Variants in SCARA5 observed in about 807,000 individuals in gnomAD.
SCARA5 encodes the protein scavenger receptor class A member 5.
In SCARA5, 45 loss-of-function variants were observed where a neutral mutation model predicts 46.3. The observed-to-expected ratio is 0.97, with a 90% CI of 0.76 to 1.24. The LOEUF (loss-of-function observed/expected upper bound fraction) is 1.24, where lower values mean the gene tolerates loss of function less well. SCARA5 is among the 50% of genes most tolerant of loss of function. The pLI is 0.00. For synonymous variants in SCARA5, 333 were observed against 306.5 expected (o/e 1.09, Z -0.90); for missense variants, 680 against 689.0 (o/e 0.99, Z 0.15).
At chr8:27,928,857 G>A (rs969248349) in intron 3 of SCARA5, among the ~76,000 whole-genome samples, 5 of 151,986 alleles carry the variant, frequency 3.3e-5, no homozygotes, top group African/African-American at 1.2e-4. Context: ...GTAGGGATGG[G>A]GTTTCGCCAC....
At chr8:27,914,169 T>C (rs1399837827) in intron 4 of SCARA5, among the ~76,000 whole-genome samples, 1 of 152,238 alleles carries the variant, frequency 6.6e-6, no homozygotes, top group African/African-American at 2.4e-5. Flanking sequence ...TCTTGCCTGC[T>C]GCCATGTAAG....
At chr8:27,969,242 G>A (rs565346539) in intron 2 of SCARA5, among the ~76,000 whole-genome samples, 53 of 152,240 alleles carry the variant, frequency 3.5e-4, no homozygotes, top group African/African-American at 1.2e-3. Context: ...CTTAGCAGAA[G>A]ATTACAAACA....
At chr8:27,933,391 G>A (rs1180389466) in intron 3 of SCARA5, among the ~76,000 whole-genome samples, 6 of 152,060 alleles carry the variant, frequency 3.9e-5, no homozygotes, top group South Asian at 2.1e-4. Flanking sequence ...CTGTGGTGGC[G>A]CACACCTGTG....
intron 7 of SCARA5, among the ~76,000 whole-genome samples, chr8:27,894,496 C>A (rs1292504566): frequency 6.6e-6 from 1 of 152,210 alleles, no homozygotes; most frequent in Non-Finnish European, 1.5e-5. Flanking sequence ...ATCTGGGAAG[C>A]ACCTGGGAAG....
At chr8:27,989,091 A>ATTTTCTTT (rs1808747044) in intron 1 of SCARA5, among the ~76,000 whole-genome samples, 1 of 83,074 alleles carries the variant, frequency 1.2e-5, no homozygotes, top group Admixed American at 1.1e-4. Context: ...AGAATTCCGT[A>ATTTTCTTT]TTTTCTTTCT....
intron 2 of SCARA5, among the ~76,000 whole-genome samples, chr8:27,980,318 C>T (rs1808593884): frequency 1.3e-5 from 2 of 152,164 alleles, no homozygotes. Context: ...CTGCCCTGGC[C>T]ACTCATCACC....
intron 4 of SCARA5, among the ~76,000 whole-genome samples, chr8:27,910,477 G>A (rs1807355065): frequency 6.6e-6 from 1 of 152,222 alleles, no homozygotes; most frequent in African/African-American, 2.4e-5. Flanking sequence ...GGGGCTCTTA[G>A]AGACCCGGCC....
At chr8:27,967,324 A>T (rs1429324028) in intron 2 of SCARA5, among the ~76,000 whole-genome samples, 1 of 152,184 alleles carries the variant, frequency 6.6e-6, no homozygotes, top group Non-Finnish European at 1.5e-5. Flanking sequence ...AAGAATGTCA[A>T]ATGTCAGTTA....
chr8:27,939,392 G>T (rs1807906956), intron 3 of SCARA5, among the ~76,000 whole-genome samples: 1 of 152,184 alleles, frequency 6.6e-6, no homozygotes. Flanking sequence ...TGTCAGTCCA[G>T]CATCATTGTT....
At chr8:27,971,925 T>G (rs1808453206) in intron 2 of SCARA5, among the ~76,000 whole-genome samples, 1 of 152,076 alleles carries the variant, frequency 6.6e-6, no homozygotes, top group Admixed American at 6.5e-5. Flanking sequence ...TATTACTTTC[T>G]TAACATCACT....
intron 4 of SCARA5, among the ~76,000 whole-genome samples, chr8:27,919,555 T>C (rs1157072378): frequency 6.6e-6 from 1 of 152,022 alleles, no homozygotes; most frequent in South Asian, 2.1e-4. Context: ...CCATAACCCT[T>C]AACACTCCCC....
intron 3 of SCARA5, among the ~76,000 whole-genome samples, chr8:27,924,976 C>A (rs1585493325): frequency 1.3e-5 from 2 of 152,038 alleles, no homozygotes; most frequent in East Asian, 1.9e-4. Context: ...CACTGCTCAA[C>A]AAAATAAAAG....
chr8:27,971,653 A>T (rs1378957155), intron 2 of SCARA5, among the ~76,000 whole-genome samples: 2 of 152,212 alleles, frequency 1.3e-5, no homozygotes, highest in South Asian at 4.1e-4. Flanking sequence ...TGGCCTCCAG[A>T]AGTGAGGGTG....
chr8:27,947,636 C>T (rs1387515430), intron 3 of SCARA5, among the ~76,000 whole-genome samples: 2 of 151,570 alleles, frequency 1.3e-5, no homozygotes, highest in South Asian at 2.1e-4. Flanking sequence ...TAAAGGCTCA[C>T]GCCTGTAATC....
In SCARA5 at chr8:27,922,265, G is replaced by A; in HGVS notation, c.242-20C>T. The A allele has an allele frequency of 1.3e-6, 2 of 1,499,236 alleles. No individual in the cohort carries two copies. Among genetic ancestry groups the A allele is most frequent in the Non-Finnish European group, 1.8e-6 (2 of 1,123,232 alleles). The allele number at this position is 1,499,236 out of a possible 1,614,324, so 92.9% of individuals were successfully genotyped here. A position where few individuals can be genotyped will look rare whatever the true frequency, so the allele number is the denominator to read the frequency against. ...TGGACACTGCGGAGGAGGAAGAGGG[G>A]AGACTTGAGCACCGCTGGGGAGGAA... On this transcript the variant is annotated intron_variant, in intron 3 of 8. Coordinates refer to ENST00000354914, the MANE Select transcript of SCARA5 (RefSeq NM_173833.6).
chr8:27,918,464 G>A (rs1000990003), intron 4 of SCARA5, among the ~76,000 whole-genome samples: 12 of 151,496 alleles, frequency 7.9e-5, no homozygotes, highest in Admixed American at 3.3e-4. Flanking sequence ...GAAAGGTTGG[G>A]GGGGGTTCAG....
At chr8:27,909,641 C>A in intron 5 of SCARA5, 22 bp downstream of exon 5, 1 of 1,496,530 alleles carries the variant, frequency 6.7e-7, no homozygotes, top group Non-Finnish European at 9.1e-7. Flanking sequence ...TCCCAGGTAC[C>A]ACCCAGGGGC....
chr8:27,894,815 G>A (rs1023951814), intron 7 of SCARA5, among the ~76,000 whole-genome samples: 7 of 152,204 alleles, frequency 4.6e-5, no homozygotes, highest in African/African-American at 1.7e-4. Flanking sequence ...CTGCATCCTT[G>A]TGGTTCCAAA....
intron 3 of SCARA5, among the ~76,000 whole-genome samples, chr8:27,963,336 T>C (rs953585220): frequency 1.3e-5 from 2 of 152,230 alleles, no homozygotes; most frequent in African/African-American, 2.4e-5. Context: ...TTAAACCTGA[T>C]GGTCTCTACT....
Sources: gnomAD v4.1 joint callset for allele counts (sites outside exome capture counted in the v4.1 genomes callset) on GRCh38, gnomAD v4.1.1 for gene constraint, MANE v1.5 for transcripts, NCBI Gene and HGNC (gene_info 2026-07-23, HGNC 2026-07-21) for gene names.